The following KAT6A variants were observed in gnomAD, a reference collection of about 807,000 sequenced individuals.
KAT6A encodes lysine acetyltransferase 6A.
A neutral mutation model predicts 198.4 loss-of-function variants in KAT6A; 9 were observed. That is an observed-to-expected ratio of 0.05 (90% CI 0.03 to 0.08). KAT6A has a LOEUF of 0.08. KAT6A is among the 10% of genes least tolerant of loss of function. The pLI is 1.00. For synonymous variants in KAT6A, 890 were observed against 883.0 expected (o/e 1.01, Z -0.14); for missense variants, 2,077 against 2,509.9 (o/e 0.83, Z 3.69).
intron 16 of KAT6A, among the ~76,000 whole-genome samples, chr8:41,936,820 C>G (rs1564007357): frequency 6.6e-6 from 1 of 152,184 alleles, no homozygotes; most frequent in Non-Finnish European, 1.5e-5. Context: ...GTCTTCTTAG[C>G]ATTCACTCAT....
At chr8:41,975,095 GCAGA>G (rs1024653966) in intron 7 of KAT6A, among the ~76,000 whole-genome samples, 1 of 151,778 alleles carries the variant, frequency 6.6e-6, no homozygotes, top group African/African-American at 2.4e-5. Context: ...ACACAGAAAG[GCAGA>G]CAGAAAAATG....
At chr8:41,975,155 CTTTTAGTATAGGT>C (rs1331097393) in intron 7 of KAT6A, among the ~76,000 whole-genome samples, 1 of 152,006 alleles carries the variant, frequency 6.6e-6, no homozygotes, top group Non-Finnish European at 1.5e-5. Flanking sequence ...AAATTTGACA[CTTTTAGTATAGGT>C]TTAATGCATC....
At chr8:41,993,612 C>T (rs760695666) in intron 2 of KAT6A, among the ~76,000 whole-genome samples, 17 of 152,124 alleles carry the variant, frequency 1.1e-4, no homozygotes, top group Non-Finnish European at 2.2e-4. Flanking sequence ...GTGATAATTT[C>T]AGTTTGTTTT....
Position 41,933,247 on chromosome 8 carries a change from T to C in KAT6A, c.4973A>G (p.Gln1658Arg). 1 of 1,550,496 alleles carries C rather than the reference T, an allele frequency of 6.4e-7. No individual in the cohort carries two copies. Among genetic ancestry groups the C allele is most frequent in the Non-Finnish European group, 8.7e-7 (1 of 1,151,034 alleles). ...QQQPPPPPPQ[Q>R]PQPPPPQPQP... ...TGGTTGTGGCGGCGGCGGCTGTGGCTGCTGTGGAGGCGGTGGTGGCGGCTG... is the reference window on the plus strand; with the variant it reads ...TGGTTGTGGCGGCGGCGGCTGTGGCCGCTGTGGAGGCGGTGGTGGCGGCTG... The change falls in exon 17 of 17, where the codon CAG (glutamine) becomes CGG (arginine). Residue 1658 changes from glutamine (Q) to arginine (R), a missense_variant. Transcript: ENST00000265713. This position sits in a 1 kb window ranked among gnomAD's most constrained non-coding sequence, Gnocchi z 6.2.
rs746807131 is a variant in KAT6A, at chr8:41,932,894, C to G, written c.5326G>C (p.Ala1776Pro). 6.2e-7 allele frequency: 1 copy of G among 1,614,090 alleles called. No individual in the cohort carries two copies. The highest frequency in any genetic ancestry group is 1.7e-5 in the Admixed American group (1 of 60,016). Reference sequence around the variant, plus strand: ...ACACTGGTTGCATAGGAAGTCACAGCAGGAGAATGGCTATAAGGCATGGCA... The same window carrying G: ...ACACTGGTTGCATAGGAAGTCACAGGAGGAGAATGGCTATAAGGCATGGCA... ...PHAMPYSHSP[A>P]VTSYATSVSL... The change falls in exon 17 of 17, where the codon GCT becomes CCT. Residue 1776 changes from alanine to proline, a missense_variant. By Grantham distance (27) the Ala-to-Pro change is conservative. Transcript: ENST00000265713.
chr8:42,005,462 GA>G (rs1363725069), intron 2 of KAT6A, among the ~76,000 whole-genome samples: 1 of 152,142 alleles, frequency 6.6e-6, no homozygotes, highest in Non-Finnish European at 1.5e-5. Context: ...GCTCAATAAG[GA>G]AAACCCTGAC....
At chr8:42,013,979 A>C (rs1408454765) in intron 2 of KAT6A, among the ~76,000 whole-genome samples, 1 of 152,234 alleles carries the variant, frequency 6.6e-6, no homozygotes, top group Non-Finnish European at 1.5e-5. Flanking sequence ...ACCGTGAAAG[A>C]AGCCTTGGAC....
intron 12 of KAT6A, 28 bp downstream of exon 12, chr8:41,946,563 A>C: frequency 8.3e-7 from 1 of 1,204,768 alleles, no homozygotes; most frequent in Non-Finnish European, 1.2e-6. Context: ...ACTGGAAAAG[A>C]CCAATGAGAA....
chr8:41,940,776 TA>T, intron 15 of KAT6A, 65 bp downstream of exon 15: 5 of 1,533,180 alleles, frequency 3.3e-6, no homozygotes, highest in Non-Finnish European at 4.4e-6. Flanking sequence ...AACTGTAAGC[TA>T]AAACGAGAAG....
In KAT6A at chr8:41,973,520, T is replaced by C. The variant is rs1458570414; in HGVS notation, c.1482+1184A>G. 2.0e-5 allele frequency among the ~76,000 whole-genome samples: 3 copies of C among 152,082 alleles called. No homozygotes were observed. The East Asian group carries it at 5.8e-4, about 29-fold the overall frequency. On this transcript the variant is annotated intron_variant, in intron 8 of 16. Transcript: ENST00000265713. ...CAGGGGTGAGCCACCGTGCCCAGCC[T>C]AGAAATTCTTCTTTTCAAGATAAAA...
intron 2 of KAT6A, among the ~76,000 whole-genome samples, chr8:41,988,555 A>C (rs1372821021): frequency 2.0e-5 from 3 of 152,254 alleles, no homozygotes; most frequent in Non-Finnish European, 4.4e-5. Flanking sequence ...AAAACTCCAA[A>C]GATAGGTAAA....
At chr8:41,940,655 AAC>A (rs369341254) in intron 15 of KAT6A, among the ~76,000 whole-genome samples, 185 bp downstream of exon 15, 3 of 152,154 alleles carry the variant, frequency 2.0e-5, no homozygotes, top group East Asian at 1.9e-4. Context: ...AAAGAAGTCA[AAC>A]ACACACACAC....
At position 42,049,065 on chromosome 8, in the gene KAT6A, G is replaced by A; in HGVS notation, c.-88C>T. 2 of 1,400,138 alleles carry A rather than the reference G, an allele frequency of 1.4e-6. No homozygotes were observed. The highest frequency in any genetic ancestry group is 2.2e-5 in the Admixed American group (1 of 45,178). 86.7% of individuals were successfully genotyped at this position (1,400,138 alleles called of 1,614,324 possible). A position where few individuals can be genotyped will look rare whatever the true frequency, so the allele number is the denominator to read the frequency against. On this transcript the variant is annotated 5_prime_UTR_variant, in exon 2 of 17. Transcript: ENST00000265713. ...CACCATGGAAAACAAGATTCTCGGA[G>A]GCTGGGAACCAGTTAACCATAGCAT...
intron 2 of KAT6A, among the ~76,000 whole-genome samples, chr8:42,028,502 T>C (rs978296790): frequency 1.3e-5 from 2 of 152,352 alleles, no homozygotes; most frequent in African/African-American, 4.8e-5. Flanking sequence ...GTTATCTCTT[T>C]TTGCAGTTTT....
intron 12 of KAT6A, 98 bp downstream of exon 12, chr8:41,946,493 T>TACACACACACAC (rs60247515): frequency 1.1e-4 from 35 of 323,592 alleles, no homozygotes; most frequent in African/African-American, 9.0e-4. Flanking sequence ...TATATATATA[T>TACACACACACAC]ACACACACAC....
At chr8:41,939,555 T>C (rs1371235450) in intron 15 of KAT6A, among the ~76,000 whole-genome samples, 2 of 152,182 alleles carry the variant, frequency 1.3e-5, no homozygotes, top group African/African-American at 4.8e-5. Flanking sequence ...TACTGATAGA[T>C]ATATGCCAAC....
chr8:42,009,771 G>T (rs574138027), intron 2 of KAT6A, among the ~76,000 whole-genome samples: 1 of 150,928 alleles, frequency 6.6e-6, no homozygotes, highest in Non-Finnish European at 1.5e-5. Context: ...ATGGTGACAT[G>T]CACCTGTGGT....
chr8:42,026,457 TAC>T (rs998392408), intron 2 of KAT6A, among the ~76,000 whole-genome samples: 27 of 152,324 alleles, frequency 1.8e-4, no homozygotes, highest in African/African-American at 6.5e-4. Context: ...TAATCACTGT[TAC>T]AGTTTCCCTT....
chr8:42,036,839 T>C (rs149480189), intron 2 of KAT6A, among the ~76,000 whole-genome samples: 9 of 152,180 alleles, frequency 5.9e-5, no homozygotes, highest in African/African-American at 1.9e-4. Context: ...AAGATTAGAG[T>C]AGTTATAGCC....
Sources: gnomAD v4.1 joint callset for allele counts (sites outside exome capture counted in the v4.1 genomes callset) on GRCh38, gnomAD v4.1.1 for gene constraint, Gnocchi (gnomAD v3.1) non-coding constraint, MANE v1.5 for transcripts, NCBI Gene and HGNC (gene_info 2026-07-23, HGNC 2026-07-21) for gene names.